The following HHEX variants were observed in gnomAD, a reference collection of about 807,000 sequenced individuals.
HHEX encodes the protein hematopoietically expressed homeobox, also known as hematopoietically-expressed homeobox protein HHEX.
In HHEX, 8 loss-of-function variants were observed where a neutral mutation model predicts 27.0. The observed-to-expected ratio is 0.30, with a 90% confidence interval of 0.17 to 0.54. HHEX has a LOEUF of 0.54. HHEX is among the 20% of genes least tolerant of loss of function. HHEX has a pLI of 0.95. For synonymous variants in HHEX, 164 were observed against 161.5 expected, an observed-to-expected ratio of 1.02 and a Z score of -0.12; for missense variants, 326 against 357.2, an observed-to-expected ratio of 0.91 and a Z score of 0.70.
intron 1 of HHEX, 198 bp from the exon 2 acceptor site, chr10:92,692,170 T>A: frequency 3.5e-6 from 2 of 569,390 alleles, no homozygotes; most frequent in Non-Finnish European, 6.3e-6. Flanking sequence ...TGTGTGCATC[T>A]GCGGTGTCAG....
Position 92,692,425 on chromosome 10 carries a change from G to C in HHEX, c.419G>C (p.Gly140Ala). 6.2e-7 allele frequency: 1 copy of C among 1,614,134 alleles called. No individual in the cohort carries two copies. Among genetic ancestry groups the C allele is most frequent in the South Asian group, 1.1e-5 (1 of 91,080 alleles). The part of the protein sequence containing the change: ...LQRPLHKRKG[G>A]QVRFSNDQTI... ...AGGCCTCTGCATAAAAGGAAAGGCG[G>C]CCAGGTGAGATTCTCCAACGACCAG... The change falls in exon 2 of 4, where the codon GGC becomes GCC. Residue 140 changes from glycine to alanine, a missense_variant. This residue lies in a region of HHEX where 40 missense variants were observed against 54.9 expected (regional missense o/e 0.73). Transcript: ENST00000282728.
At position 92,690,175 on chromosome 10, in the gene HHEX, C is replaced by T. The variant is rs2229328; in HGVS notation, c.189C>T (p.Ser63=). Residue 63 remains serine (S), a synonymous_variant, in exon 1 of 4, where the codon TCC becomes TCT. Coordinates refer to ENST00000282728, the MANE Select transcript of HHEX (RefSeq NM_002729.5). ...ACTCCTCCTTCACCAGCCTCGTGTCCCCCTACCGGACCCCGGTGTACGAGC... is the reference window on the plus strand; with the variant it reads ...ACTCCTCCTTCACCAGCCTCGTGTCTCCCTACCGGACCCCGGTGTACGAGC... ...SPNSSFTSLV[S]PYRTPVYEPT... 2.2e-4 allele frequency: 339 copies of T among 1,565,258 alleles called. 3 individuals carry two copies. The East Asian group carries it at 7.2e-3, about 33-fold the overall frequency.
At position 92,694,569 on chromosome 10, in the gene HHEX, A is replaced by G; in HGVS notation, c.614A>G (p.Lys205Arg). The change falls in exon 4 of 4, where the codon AAA (lysine) becomes AGA (arginine). Residue 205 changes from lysine to arginine, a missense_variant. Lys to Arg is a conservative substitution (Grantham distance 26). This residue lies in a region of HHEX where 68 missense variants were observed against 84.9 expected (regional missense o/e 0.80). Transcript: ENST00000282728. ...LKQENPQSNK[K>R]EELESLDSSC... The stretch of plus-strand genomic sequence containing the variant: ...CAGGAGAACCCTCAAAGCAATAAAA[A>G]AGAAGAACTGGAAAGTTTGGACAGT... 1 of 1,614,060 alleles carries G rather than the reference A, an allele frequency of 6.2e-7. No individual in the cohort carries two copies. The highest frequency in any genetic ancestry group is 8.5e-7 in the Non-Finnish European group (1 of 1,179,890).
At position 92,690,296 on chromosome 10, in the gene HHEX, C is replaced by T. The variant is rs1162031192; in HGVS notation, c.310C>T (p.Pro104Ser). 4 of 1,546,974 alleles carry T rather than the reference C, an allele frequency of 2.6e-6. No homozygotes were observed. Among genetic ancestry groups the T allele is most frequent in the African/African-American group, 1.4e-5 (1 of 72,548 alleles). Residue 104 changes from proline to serine, a missense_variant, in exon 1 of 4, where the codon CCG becomes TCG. Coordinates refer to ENST00000282728, the MANE Select transcript of HHEX (RefSeq NM_002729.5). ...CTTCGGGGGCCCTCTGTACCCCTTC[C>T]CGCGGACGGTGAACGACTACACGCA... ...GGFGGPLYPF[P>S]RTVNDYTHAL...
intron 3 of HHEX, among the ~76,000 whole-genome samples, chr10:92,694,295 A>C (rs1029867110): frequency 1.3e-5 from 2 of 152,208 alleles, no homozygotes; most frequent in African/African-American, 4.8e-5. Context: ...CAATTGGTAT[A>C]ATGTATCTGC....
In HHEX at chr10:92,694,408, A is replaced by G; in HGVS notation, c.592-139A>G. 4.5e-6 allele frequency: 3 copies of G among 661,542 alleles called. No homozygotes were observed. The South Asian group carries it at 6.0e-5, about 13-fold the overall frequency. The allele number at this position is 661,542 out of a possible 1,614,324, so 41.0% of individuals were successfully genotyped here. ...AAAAAGCACAAGTATGTATCTCCTGAATAAGATTATAAACTGAAAACACTC... is the reference window on the plus strand; with the variant it reads ...AAAAAGCACAAGTATGTATCTCCTGGATAAGATTATAAACTGAAAACACTC... On this transcript the variant is annotated intron_variant, in intron 3 of 3. Transcript: ENST00000282728.
Position 92,694,677 on chromosome 10 carries a change from C to T in HHEX, c.722C>T (p.Ala241Val), listed in dbSNP as rs1488175634. 1 of 1,614,096 alleles carries T rather than the reference C, an allele frequency of 6.2e-7. No homozygotes were observed. Among genetic ancestry groups the T allele is most frequent in the Non-Finnish European group, 8.5e-7 (1 of 1,179,968 alleles). ...LDSSQCSPSP[A>V]SQEDLESEIS... Reference sequence around the variant, plus strand: ...AGCTCTCAATGTTCGCCCTCCCCTGCCTCCCAGGAAGACCTTGAATCAGAG... The same window carrying T: ...AGCTCTCAATGTTCGCCCTCCCCTGTCTCCCAGGAAGACCTTGAATCAGAG... Residue 241 changes from alanine (A) to valine (V), a missense_variant, in exon 4 of 4, where the codon GCC becomes GTC. This residue lies in a region of HHEX where 68 missense variants were observed against 84.9 expected (regional missense o/e 0.80). Transcript: ENST00000282728.
chr10:92,694,359 A>G (rs563540100), intron 3 of HHEX, among the ~76,000 whole-genome samples, 188 bp from the exon 4 acceptor site: 1 of 152,368 alleles, frequency 6.6e-6, no homozygotes, highest in East Asian at 1.9e-4. Context: ...TTGATATGAC[A>G]GAAACTTTTC....
At chr10:92,690,443 G>C in intron 1 of HHEX, 96 bp downstream of exon 1, 18 of 1,329,448 alleles carry the variant, frequency 1.4e-5, no homozygotes, top group Non-Finnish European at 1.7e-5. Context: ...GGCGGTAGAC[G>C]GCTGTGGCAA....
In HHEX at chr10:92,694,592, A is replaced by C. The variant is rs747061001; in HGVS notation, c.637A>C (p.Ser213Arg). 1 of 1,614,190 alleles carries C rather than the reference A, an allele frequency of 6.2e-7. No homozygotes were observed. Among genetic ancestry groups the C allele is most frequent in the Non-Finnish European group, 8.5e-7 (1 of 1,180,010 alleles). The change falls in exon 4 of 4, where the codon AGT becomes CGT. Residue 213 changes from serine (S) to arginine (R), a missense_variant. Physicochemically the swap from Ser to Arg is moderately radical, Grantham distance 110 (BLOSUM62 -1). This residue lies in a region of HHEX where 68 missense variants were observed against 84.9 expected (regional missense o/e 0.80). Coordinates refer to ENST00000282728, the MANE Select transcript of HHEX (RefSeq NM_002729.5). Reference sequence around the variant, plus strand: ...AAAAGAAGAACTGGAAAGTTTGGACAGTTCCTGTGATCAGAGGCAAGATTT... The same window carrying C: ...AAAAGAAGAACTGGAAAGTTTGGACCGTTCCTGTGATCAGAGGCAAGATTT... ...NKKEELESLD[S>R]SCDQRQDLPS...
rs1392130005 is a variant in HHEX, at chr10:92,694,539, T to G, written c.592-8T>G. The G allele has an allele frequency of 6.2e-6, 10 of 1,606,052 alleles. No homozygotes were observed. The highest frequency in any genetic ancestry group is 7.7e-6 in the Non-Finnish European group (9 of 1,172,914). On this transcript the variant is annotated splice_polypyrimidine_tract_variant and splice_region_variant and intron_variant, in intron 3 of 3. Transcript: ENST00000282728. ...CTTCCAATCTCCATTTTCATTTCCT[T>G]TATTCAGGAGAACCCTCAAAGCAAT... is the stretch of plus-strand genomic sequence containing the variant.
chr10:92,692,104 G>A (rs1589622588), intron 1 of HHEX: 1 of 347,944 alleles, frequency 2.9e-6, no homozygotes. Flanking sequence ...TTAAAGGTAT[G>A]TCTGGATTTA....
intron 1 of HHEX, chr10:92,691,459 C>G (rs1351095705): frequency 2.0e-5 from 3 of 152,358 alleles, no homozygotes; most frequent in African/African-American, 7.2e-5. Context: ...ACGGCGCGGG[C>G]TCTAGCTCAG....
At chr10:92,693,431 T>A (rs1845376348) in intron 3 of HHEX, among the ~76,000 whole-genome samples, 1 of 152,198 alleles carries the variant, frequency 6.6e-6, no homozygotes, top group Non-Finnish European at 1.5e-5. Flanking sequence ...ATTTTTGATG[T>A]CCTAATCTGG....
intron 1 of HHEX, among the ~76,000 whole-genome samples, chr10:92,691,174 G>A (rs1845351637): frequency 6.6e-6 from 1 of 152,202 alleles, no homozygotes; most frequent in South Asian, 2.1e-4. Flanking sequence ...GTAGGAAGCA[G>A]CAGCTCCTGG....
intron 3 of HHEX, among the ~76,000 whole-genome samples, 199 bp downstream of exon 3, chr10:92,692,951 C>T (rs1845372156): frequency 6.6e-6 from 1 of 152,192 alleles, no homozygotes; most frequent in Non-Finnish European, 1.5e-5. Context: ...TAATGGGGTT[C>T]CTATATCAAT....
In HHEX at chr10:92,694,923, A is replaced by C; in HGVS notation, c.*155A>C. ...AAATATTTGGTGCACTGCTCAATTA[A>C]CAAACCTACATGGAGACCTTAATTT... On this transcript the variant is annotated 3_prime_UTR_variant, in exon 4 of 4. Transcript: ENST00000282728. The C allele has an allele frequency of 1.6e-6, 1 of 623,260 alleles. No individual in the cohort carries two copies. The allele number at this position is 623,260 out of a possible 1,614,324, so 38.6% of individuals were successfully genotyped here.
At chr10:92,694,524 C>T in intron 3 of HHEX, 23 bp from the exon 4 acceptor site, 1 of 1,554,834 alleles carries the variant, frequency 6.4e-7, no homozygotes, top group East Asian at 2.2e-5. Context: ...CTTCCAATCT[C>T]CATTTTCATT....
chr10:92,690,520 C>G (rs993423070), intron 1 of HHEX, among the ~76,000 whole-genome samples, 173 bp downstream of exon 1: 1 of 152,220 alleles, frequency 6.6e-6, no homozygotes, highest in African/African-American at 2.4e-5. Flanking sequence ...GCTGACCGCA[C>G]CGTGACTCAG....
Sources: allele counts gnomAD v4.1 joint callset (sites outside exome capture counted in the v4.1 genomes callset), GRCh38; gene constraint gnomAD v4.1.1; regional missense constraint gnomAD v4.1.1; transcripts MANE v1.5; gene names NCBI Gene and HGNC (gene_info 2026-07-23, HGNC 2026-07-21).